TECTA: variants seen among roughly 807,000 people sequenced by gnomAD.
TECTA encodes the protein tectorin alpha.
Under a neutral mutation model 216.8 loss-of-function variants are expected in TECTA, and 128 were observed. The observed-to-expected ratio is 0.59, with a 90% CI of 0.51 to 0.68. TECTA has a LOEUF of 0.68. Among genes scored for constraint, TECTA ranks in the 30% least tolerant of loss-of-function variants. The probability of loss-of-function intolerance (pLI) is 0.00; values close to 1 mark genes in which losing one functional copy is unlikely to be tolerated. For missense variants in TECTA, 2,551 were observed against 2,786.2 expected (o/e 0.92, Z 1.90); for synonymous variants, 1,089 against 1,117.1 (o/e 0.97, Z 0.50).
At chr11:121,167,981 G>A (rs1024519829) in intron 18 of TECTA, 73 bp from the exon 19 acceptor site, 1 of 1,559,426 alleles carries the variant, frequency 6.4e-7, no homozygotes, top group Non-Finnish European at 8.8e-7. Flanking sequence ...CACTTTCAGG[G>A]ATATGGATTT....
Position 121,113,443 on chromosome 11 carries a change from A to G in TECTA, c.625-110A>G. 6.6e-7 allele frequency: 1 copy of G among 1,522,044 alleles called. No homozygotes were observed. 94.3% of individuals were successfully genotyped at this position (1,522,044 alleles called of 1,614,324 possible). The stretch of plus-strand genomic sequence containing the variant: ...TGCTGGCCCCAGTGACTCCAGGAAA[A>G]GACGGCTCTTGATTTTAGAGGTGCT... On this transcript the variant is annotated intron_variant, in intron 5 of 23. Coordinates refer to ENST00000392793, the MANE Select transcript of TECTA (RefSeq NM_005422.4). The surrounding 1 kb of genome is among the most constrained non-coding windows in gnomAD (Gnocchi z 4.2).
intron 12 of TECTA, among the ~76,000 whole-genome samples, chr11:121,148,552 GGTTGT>G (rs1946861546): frequency 2.0e-5 from 3 of 152,108 alleles, no homozygotes; most frequent in Non-Finnish European, 4.4e-5. Context: ...CTGAGAATAG[GGTTGT>G]TTGTAACTGT....
At chr11:121,190,593 G>T in intron 23 of TECTA, 113 bp from the exon 24 acceptor site, 1 of 831,904 alleles carries the variant, frequency 1.2e-6, no homozygotes, top group South Asian at 1.4e-5. Context: ...GGTAAAATGG[G>T]TTCTTGGCAA....
chr11:121,136,448 G>A (rs1475275658), intron 10 of TECTA, among the ~76,000 whole-genome samples: 3 of 152,002 alleles, frequency 2.0e-5, no homozygotes, highest in Non-Finnish European at 4.4e-5. Context: ...GAGGCCAGAG[G>A]GCACCAGGAA....
In TECTA at chr11:121,165,181, A is replaced by T. The variant is rs374789227; in HGVS notation, c.5273-92A>T. On this transcript the variant is annotated intron_variant, in intron 16 of 23. Coordinates refer to ENST00000392793, the MANE Select transcript of TECTA (RefSeq NM_005422.4). ...CTGCCATCTGACCATTTCCAATGTG[A>T]TTAAAGTGGCAAGTCTGGAGTGGAA... The T allele has an allele frequency of 3.7e-5, 45 of 1,227,694 alleles. 1 individual carries two copies. The highest frequency in any genetic ancestry group is 2.0e-4 in the East Asian group (8 of 39,138). The allele number at this position is 1,227,694 out of a possible 1,614,324, so 76.1% of individuals were successfully genotyped here.
At chr11:121,151,350 G>A (rs1946887819) in intron 12 of TECTA, among the ~76,000 whole-genome samples, 1 of 152,226 alleles carries the variant, frequency 6.6e-6, no homozygotes, top group South Asian at 2.1e-4. Context: ...TATACATACA[G>A]GGATGTTCAC....
chr11:121,189,375 C>CTTTTT (rs11459448), intron 22 of TECTA, among the ~76,000 whole-genome samples: 1 of 146,768 alleles, frequency 6.8e-6, no homozygotes, highest in Non-Finnish European at 1.5e-5. Flanking sequence ...TTGTCCTCCT[C>CTTTTT]TTTTTTTTTT....
Position 121,109,293 on chromosome 11 carries a change from C to T in TECTA, c.281C>T (p.Ala94Val). Reference sequence around the variant, plus strand: ...TCCTTTCCCCTGACAGATGGGAGAGCCTTCGTCGCCCCATTTTGGGCAGAT... The same window carrying T: ...TCCTTTCCCCTGACAGATGGGAGAGTCTTCGTCGCCCCATTTTGGGCAGAT... The part of the protein sequence containing the change: ...PESFPLTDGR[A>V]FVAPFWADVH... The change falls in exon 4 of 24, where the codon GCC becomes GTC. Residue 94 changes from alanine (A) to valine (V), a missense_variant. Ala to Val is a moderately conservative substitution (Grantham distance 64). This residue lies in a region of TECTA where 2,375 missense variants were observed against 2,563.9 expected (regional missense o/e 0.93). Coordinates refer to ENST00000392793, the MANE Select transcript of TECTA (RefSeq NM_005422.4). The T allele has an allele frequency of 6.2e-7, 1 of 1,614,154 alleles. No individual in the cohort carries two copies. The highest frequency in any genetic ancestry group is 1.3e-5 in the African/African-American group (1 of 75,034).
intron 11 of TECTA, among the ~76,000 whole-genome samples, chr11:121,143,447 G>A (rs1325885887): frequency 6.6e-6 from 1 of 152,202 alleles, no homozygotes; most frequent in Non-Finnish European, 1.5e-5. Flanking sequence ...CCAGGTGTGG[G>A]CATTGTCTTC....
In TECTA at chr11:121,113,512, A is replaced by G. The variant is rs1261826091; in HGVS notation, c.625-41A>G. The G allele has an allele frequency of 6.2e-7, 1 of 1,613,736 alleles. No individual in the cohort carries two copies. The highest frequency in any genetic ancestry group is 1.3e-5 in the African/African-American group (1 of 75,018). On this transcript the variant is annotated intron_variant, in intron 5 of 23. Transcript: ENST00000392793. The surrounding 1 kb of genome is among the most constrained non-coding windows in gnomAD (Gnocchi z 4.2). ...AGTTGGGCCAGTTAACCCATGGGGAATTTTTGTACTCAAAAATCTTGTCTT... is the reference window on the plus strand; with the variant it reads ...AGTTGGGCCAGTTAACCCATGGGGAGTTTTTGTACTCAAAAATCTTGTCTT...
At chr11:121,188,962 C>G in intron 21 of TECTA, 118 bp from the exon 22 acceptor site, 1 of 963,360 alleles carries the variant, frequency 1.0e-6, no homozygotes, top group East Asian at 2.6e-5. Context: ...TCTAATTAAT[C>G]TGAGCCTCCA....
At chr11:121,169,638 G>T (rs1158957554) in intron 20 of TECTA, among the ~76,000 whole-genome samples, 1 of 151,998 alleles carries the variant, frequency 6.6e-6, no homozygotes, top group East Asian at 1.9e-4. Context: ...AATGGTTTTT[G>T]GTAAATTTGC....
rs759694570 is a variant in TECTA at position 121,128,156 on chromosome 11, G to A, written c.2179G>A (p.Ala727Thr). The A allele has an allele frequency of 3.7e-6, 6 of 1,611,160 alleles. No homozygotes were observed. The highest frequency in any genetic ancestry group is 4.2e-6 in the Non-Finnish European group (5 of 1,180,010). Residue 727 changes from alanine to threonine, a missense_variant, in exon 9 of 24, where the codon GCC (alanine) becomes ACC (threonine). Coordinates refer to ENST00000392793, the MANE Select transcript of TECTA (RefSeq NM_005422.4). ...QNQVLHTFDGASYAFPSEFSY... is the reference protein window; with the variant it reads ...QNQVLHTFDGTSYAFPSEFSY... ...CCAGGTGCTGCACACCTTTGACGGCGCCTCCTACGCCTTCCCCTCCGAGTT... is the reference window on the plus strand; with the variant it reads ...CCAGGTGCTGCACACCTTTGACGGCACCTCCTACGCCTTCCCCTCCGAGTT...
chr11:121,147,030 T>G (rs1247191939), intron 12 of TECTA, among the ~76,000 whole-genome samples: 1 of 152,060 alleles, frequency 6.6e-6, no homozygotes, highest in Non-Finnish European at 1.5e-5. Flanking sequence ...CTGGACTATG[T>G]AGTGGGGTAA....
intron 21 of TECTA, among the ~76,000 whole-genome samples, chr11:121,188,360 C>T (rs371380366): frequency 1.5e-4 from 23 of 152,302 alleles, no homozygotes; most frequent in African/African-American, 5.3e-4. Flanking sequence ...AGTTTCAACA[C>T]CCAAAATGTC....
intron 20 of TECTA, among the ~76,000 whole-genome samples, chr11:121,183,231 G>A (rs1369489438): frequency 6.6e-6 from 1 of 152,158 alleles, no homozygotes; most frequent in East Asian, 1.9e-4. Context: ...AGAAGCAGGG[G>A]ATGTTGGGCC....
chr11:121,136,014 A>G (rs1946722735), intron 10 of TECTA, among the ~76,000 whole-genome samples: 1 of 151,468 alleles, frequency 6.6e-6, no homozygotes, highest in Admixed American at 6.6e-5. Context: ...GCTGGAGTAC[A>G]GTGGCGCAAT....
chr11:121,113,309 C>T lies in TECTA; in HGVS notation c.624+100C>T. The T allele has an allele frequency of 2.5e-6, 4 of 1,595,014 alleles. No homozygotes were observed. In the South Asian group the frequency reaches 4.4e-5, roughly 18 times the overall value. On this transcript the variant is annotated intron_variant, in intron 5 of 23. Coordinates refer to ENST00000392793, the MANE Select transcript of TECTA (RefSeq NM_005422.4). This position sits in a 1 kb window ranked among gnomAD's most constrained non-coding sequence, Gnocchi z 4.2. ...AGGGAATCCTGCCACCAGCTTTTAA[C>T]TAGAGACGCAGGTCTGATCTCGCAG...
chr11:121,154,007 G>C (rs1224534536), intron 13 of TECTA, among the ~76,000 whole-genome samples: 2 of 152,170 alleles, frequency 1.3e-5, no homozygotes, highest in African/African-American at 4.8e-5. Context: ...CACGTCCTCT[G>C]CCTTGAGGAT....
Sources: gnomAD v4.1 joint callset for allele counts (sites outside exome capture counted in the v4.1 genomes callset) on GRCh38, gnomAD v4.1.1 for gene constraint, gnomAD v4.1.1 regional missense constraint, Gnocchi (gnomAD v3.1) non-coding constraint, MANE v1.5 for transcripts, NCBI Gene and HGNC (gene_info 2026-07-23, HGNC 2026-07-21) for gene names.